Variants in NCALD observed in about 807,000 individuals in gnomAD.
NCALD encodes neurocalcin delta, also known as neurocalcin-delta.
A neutral mutation model predicts 18.6 loss-of-function variants in NCALD; 10 were observed. The ratio of observed to expected loss-of-function variants is 0.54; its 90% CI spans 0.33 to 0.91. The LOEUF (loss-of-function observed/expected upper bound fraction) is 0.91, where lower values mean the gene tolerates loss of function less well. NCALD is among the 40% of genes least tolerant of loss of function. The pLI is 0.03. For missense variants in NCALD, 184 were observed against 247.6 expected (o/e 0.74, Z 1.72); for synonymous variants, 88 against 87.4 (o/e 1.01, Z -0.04).
At chr8:101,972,224 C>T (rs1034303991) in intron 2 of NCALD, among the ~76,000 whole-genome samples, 15 of 152,192 alleles carry the variant, frequency 9.9e-5, no homozygotes, top group African/African-American at 3.4e-4. Context: ...GGCACCAGGA[C>T]TTCTGGAAAA....
chr8:101,942,272 G>A (rs34130933), intron 2 of NCALD, among the ~76,000 whole-genome samples: 12,792 of 152,126 alleles, frequency 0.084, 592 homozygotes, highest in Middle Eastern at 0.17. Flanking sequence ...CTGGCCTCTC[G>A]CTGCACCAAG....
At chr8:101,986,193 G>A (rs1237122650) in intron 2 of NCALD, among the ~76,000 whole-genome samples, 1 of 152,150 alleles carries the variant, frequency 6.6e-6, no homozygotes, top group Non-Finnish European at 1.5e-5. Context: ...ACCATGCCTG[G>A]CTAATTTTTG....
At chr8:101,845,835 C>A (rs995653296) in intron 4 of NCALD, among the ~76,000 whole-genome samples, 1 of 152,130 alleles carries the variant, frequency 6.6e-6, no homozygotes, top group Admixed American at 6.6e-5. Context: ...CCCTCTTCTG[C>A]CCCACCACTC....
chr8:101,781,195 TAC>T (rs1811999371), intron 1 of NCALD, among the ~76,000 whole-genome samples: 1 of 134,686 alleles, frequency 7.4e-6, no homozygotes, highest in South Asian at 2.4e-4. Context: ...TATATATATA[TAC>T]CCTGAGAGAG....
chr8:102,123,470 A>AAAC (rs1826004206), intron 1 of NCALD, among the ~76,000 whole-genome samples: 1 of 151,504 alleles, frequency 6.6e-6, no homozygotes, highest in Non-Finnish European at 1.5e-5. Flanking sequence ...GAAAAAAAAA[A>AAAC]AAAAAACTTG....
chr8:101,909,615 C>T (rs1188079707), intron 3 of NCALD, among the ~76,000 whole-genome samples: 1 of 152,106 alleles, frequency 6.6e-6, no homozygotes, highest in Admixed American at 6.6e-5. Flanking sequence ...TCAGAATAGG[C>T]TTTGTTATCC....
At chr8:102,040,982 A>C (rs1363952920) in intron 1 of NCALD, among the ~76,000 whole-genome samples, 1 of 152,032 alleles carries the variant, frequency 6.6e-6, no homozygotes, top group African/African-American at 2.4e-5. Flanking sequence ...TTACAGGTGT[A>C]TTTTCCCAGT....
At chr8:101,897,781 A>G (rs1323315845) in intron 3 of NCALD, among the ~76,000 whole-genome samples, 1 of 152,190 alleles carries the variant, frequency 6.6e-6, no homozygotes, top group Non-Finnish European at 1.5e-5. Context: ...AACCTCCAGC[A>G]TTGCATGGTA....
chr8:101,866,273 T>G (rs1407549949), intron 4 of NCALD, among the ~76,000 whole-genome samples: 2 of 152,190 alleles, frequency 1.3e-5, no homozygotes, highest in East Asian at 3.8e-4. Context: ...CCTTTGCTGG[T>G]TCCCCCTCAT....
At chr8:101,900,059 T>C (rs933087067) in intron 3 of NCALD, among the ~76,000 whole-genome samples, 1 of 151,930 alleles carries the variant, frequency 6.6e-6, no homozygotes, top group Non-Finnish European at 1.5e-5. Context: ...TACAAGACTA[T>C]CAAAATTATC....
At chr8:101,842,822 G>A (rs908870545) in intron 4 of NCALD, among the ~76,000 whole-genome samples, 9 of 152,214 alleles carry the variant, frequency 5.9e-5, no homozygotes, top group Non-Finnish European at 1.2e-4. Flanking sequence ...AGCAGCAAGG[G>A]GTGGCTTGAG....
intron 4 of NCALD, among the ~76,000 whole-genome samples, chr8:101,799,221 G>A (rs577241727): frequency 6.6e-5 from 10 of 152,016 alleles, no homozygotes; most frequent in African/African-American, 2.2e-4. Flanking sequence ...TAACCATTAG[G>A]GAAATTCAAG....
At chr8:102,000,076 C>A (rs1821392569) in intron 2 of NCALD, among the ~76,000 whole-genome samples, 1 of 152,218 alleles carries the variant, frequency 6.6e-6, no homozygotes, top group Non-Finnish European at 1.5e-5. Flanking sequence ...TGAGCCGAAG[C>A]AGGGCGAGGC....
chr8:101,690,122 G>A (rs138665887), intron 3 of NCALD, among the ~76,000 whole-genome samples: 7 of 149,020 alleles, frequency 4.7e-5, no homozygotes, highest in African/African-American at 7.6e-5. Flanking sequence ...CTCCGACCCC[G>A]GTGACCTTTC....
intron 4 of NCALD, among the ~76,000 whole-genome samples, chr8:101,882,954 G>C (rs1816542858): frequency 6.6e-6 from 1 of 152,216 alleles, no homozygotes; most frequent in African/African-American, 2.4e-5. Context: ...GAGAATGTGA[G>C]AAAGAAATCC....
chr8:102,018,039 T>C (rs764524588), intron 2 of NCALD, among the ~76,000 whole-genome samples: 2 of 152,188 alleles, frequency 1.3e-5, no homozygotes, highest in Non-Finnish European at 1.5e-5. Context: ...GATGAGATAA[T>C]GTTATACGCT....
At chr8:101,957,289 G>GTTTTTTTTTTTTTTTTTTTTTTTTTTT (rs11305701) in intron 2 of NCALD, among the ~76,000 whole-genome samples, 1 of 99,508 alleles carries the variant, frequency 1.0e-5, no homozygotes, top group African/African-American at 4.0e-5. Context: ...AAAAGTTGGG[G>GTTTTTTTTTTTTTTTTTTTTTTTTTTT]TTTTTTTTTT....
At chr8:101,816,296 A>T (rs1813493891) in intron 4 of NCALD, among the ~76,000 whole-genome samples, 1 of 152,146 alleles carries the variant, frequency 6.6e-6, no homozygotes, top group African/African-American at 2.4e-5. Flanking sequence ...TGCAAGAAGG[A>T]GACTCTAATC....
chr8:101,805,591 C>T (rs1813069210), intron 4 of NCALD, among the ~76,000 whole-genome samples: 1 of 152,130 alleles, frequency 6.6e-6, no homozygotes, highest in African/African-American at 2.4e-5. Flanking sequence ...AGCAGTTATT[C>T]AGAAATTTTT....
Sources: gnomAD v4.1 joint callset for allele counts (sites outside exome capture counted in the v4.1 genomes callset) on GRCh38, gnomAD v4.1.1 for gene constraint, MANE v1.5 for transcripts, NCBI Gene and HGNC (gene_info 2026-07-23, HGNC 2026-07-21) for gene names.